The following TANC1 variants were observed in gnomAD, a reference collection of about 807,000 sequenced individuals.
TANC1 encodes protein TANC1.
A neutral mutation model predicts 149.7 loss-of-function variants in TANC1; 77 were observed. The observed-to-expected ratio is 0.51, with a 90% CI of 0.43 to 0.62. The LOEUF (loss-of-function observed/expected upper bound fraction) is 0.62. TANC1 is among the 20% of genes least tolerant of loss of function. The pLI is 0.00. For missense variants in TANC1, 1,985 were observed against 2,321.8 expected, an observed-to-expected ratio of 0.85 and a Z score of 2.98; for synonymous variants, 854 against 925.0, an observed-to-expected ratio of 0.92 and a Z score of 1.39.
chr2:159,147,007 G>A (rs2052197644), intron 5 of TANC1, among the ~76,000 whole-genome samples: 1 of 152,178 alleles, frequency 6.6e-6, no homozygotes, highest in Non-Finnish European at 1.5e-5. Context: ...AGCAGCCACT[G>A]TGCTGGGGTG....
At chr2:159,063,351 G>A (rs2042404918) in intron 2 of TANC1, among the ~76,000 whole-genome samples, 1 of 152,174 alleles carries the variant, frequency 6.6e-6, no homozygotes, top group South Asian at 2.1e-4. Context: ...TCCTATAAAT[G>A]CTATTTGTGA....
At chr2:159,143,123 ATTAG>A (rs2051610561) in intron 5 of TANC1, among the ~76,000 whole-genome samples, 1 of 150,976 alleles carries the variant, frequency 6.6e-6, no homozygotes, top group African/African-American at 2.4e-5. Context: ...CTCTGACAGG[ATTAG>A]TTGCCCATAA....
At chr2:159,188,901 A>G (rs1476277490) in intron 16 of TANC1, among the ~76,000 whole-genome samples, 1 of 152,172 alleles carries the variant, frequency 6.6e-6, no homozygotes. Flanking sequence ...AAATTTCCAT[A>G]TCGTTGGGGG....
rs1004469469 is a variant in TANC1, at chr2:159,186,445, A to G, written c.2620-457A>G. On this transcript the variant is annotated intron_variant, in intron 15 of 26. Transcript: ENST00000263635. ...TAATTCTGTCATTTATTCTTCCTCTAATTTACTTCCAACATGGTAAAACCT... is the reference window on the plus strand; with the variant it reads ...TAATTCTGTCATTTATTCTTCCTCTGATTTACTTCCAACATGGTAAAACCT... Among the ~76,000 whole-genome samples, 3 of 152,110 alleles carry G rather than the reference A, an allele frequency of 2.0e-5. No homozygotes were observed. The East Asian group carries it at 5.8e-4, about 29-fold the overall frequency.
chr2:159,207,577 G>A (rs1182969815), intron 19 of TANC1, among the ~76,000 whole-genome samples: 1 of 151,832 alleles, frequency 6.6e-6, no homozygotes, highest in Non-Finnish European at 1.5e-5. Context: ...GCGGGTACCT[G>A]TAATCTCAGC....
chr2:159,076,667 A>G (rs1458761208), intron 3 of TANC1, among the ~76,000 whole-genome samples: 1 of 152,208 alleles, frequency 6.6e-6, no homozygotes, highest in East Asian at 1.9e-4. Flanking sequence ...AACTATGATA[A>G]AGTAATGACA....
intron 2 of TANC1, among the ~76,000 whole-genome samples, chr2:159,015,950 C>G (rs1285073364): frequency 6.6e-6 from 1 of 152,198 alleles, no homozygotes. Flanking sequence ...CTGTCTTCTT[C>G]TGAGCCCTTC....
At chr2:159,165,849 A>T (rs1476106626) in intron 8 of TANC1, among the ~76,000 whole-genome samples, 1 of 152,250 alleles carries the variant, frequency 6.6e-6, no homozygotes, top group Non-Finnish European at 1.5e-5. Context: ...CAGCCTCCTC[A>T]TGGGGCTGGC....
At chr2:159,052,032 T>C (rs980008322) in intron 2 of TANC1, among the ~76,000 whole-genome samples, 4 of 152,142 alleles carry the variant, frequency 2.6e-5, no homozygotes, top group Non-Finnish European at 4.4e-5. Flanking sequence ...TGTGACTGTA[T>C]GAGGCAGTGG....
intron 1 of TANC1, among the ~76,000 whole-genome samples, chr2:158,996,171 T>A (rs964310008): frequency 6.6e-6 from 1 of 152,266 alleles, no homozygotes; most frequent in Non-Finnish European, 1.5e-5. Flanking sequence ...GGCAACATAG[T>A]AAGACCCCCC....
chr2:159,160,509 G>T (rs1318932234), intron 7 of TANC1, among the ~76,000 whole-genome samples: 1 of 152,292 alleles, frequency 6.6e-6, no homozygotes, highest in Non-Finnish European at 1.5e-5. Flanking sequence ...TCTTCTTGGG[G>T]ACTCCGGGGC....
intron 3 of TANC1, among the ~76,000 whole-genome samples, chr2:159,068,097 C>A (rs894212398): frequency 1.3e-5 from 2 of 152,174 alleles, no homozygotes; most frequent in Non-Finnish European, 2.9e-5. Flanking sequence ...TTGCTCTTAA[C>A]TATAACCTGG....
intron 2 of TANC1, among the ~76,000 whole-genome samples, chr2:159,030,525 G>C (rs1199807177): frequency 3.9e-5 from 6 of 152,146 alleles, no homozygotes; most frequent in African/African-American, 1.4e-4. Flanking sequence ...TAGCTTTGAA[G>C]TGGTTGATAA....
chr2:159,068,145 A>G (rs2042826960), intron 3 of TANC1, among the ~76,000 whole-genome samples: 1 of 152,226 alleles, frequency 6.6e-6, no homozygotes, highest in Admixed American at 6.5e-5. Context: ...GGAATTTTAA[A>G]TCCTGATGAA....
chr2:159,129,612 G>GT (rs1469612967), intron 4 of TANC1, among the ~76,000 whole-genome samples: 2 of 151,912 alleles, frequency 1.3e-5, no homozygotes, highest in Non-Finnish European at 2.9e-5. Flanking sequence ...ATATCTTTGG[G>GT]TTTATGGCTG....
At chr2:159,097,909 A>T in intron 4 of TANC1, 75 bp downstream of exon 4, 1 of 1,239,824 alleles carries the variant, frequency 8.1e-7, no homozygotes. Context: ...ACTAGTGCCC[A>T]TGAGAAATCT....
rs1026340555 is a variant in TANC1, at chr2:159,144,178, A to G, written c.365-4964A>G. Among the ~76,000 whole-genome samples the G allele has an allele frequency of 9.2e-5, 14 of 152,268 alleles. 1 individual carries two copies. The highest frequency in any genetic ancestry group is 7.8e-4 in the Admixed American group (12 of 15,292). ...GAGGATGAAGACTTTAAGTTGAGTG[A>G]TGGATGACTGAAGAAGAAAAGGCTA... is the stretch of plus-strand genomic sequence containing the variant. On this transcript the variant is annotated intron_variant, in intron 5 of 26. Transcript: ENST00000263635.
intron 3 of TANC1, among the ~76,000 whole-genome samples, chr2:159,093,620 T>C (rs1277819160): frequency 6.6e-6 from 1 of 152,174 alleles, no homozygotes; most frequent in African/African-American, 2.4e-5. Flanking sequence ...GCCTTTCTAA[T>C]GAAAGGATAC....
intron 2 of TANC1, among the ~76,000 whole-genome samples, chr2:159,040,783 C>T (rs150204193): frequency 6.6e-6 from 1 of 152,196 alleles, no homozygotes; most frequent in African/African-American, 2.4e-5. Flanking sequence ...AAGTCATTCT[C>T]CGTCCAGCTT....
Sources: allele counts gnomAD v4.1 joint callset (sites outside exome capture counted in the v4.1 genomes callset), GRCh38; gene constraint gnomAD v4.1.1; transcripts MANE v1.5; gene names NCBI Gene and HGNC (gene_info 2026-07-23, HGNC 2026-07-21).